Variants in CCDC38 observed in about 807,000 individuals in gnomAD.
CCDC38 encodes the protein coiled-coil domain containing 38, also known as coiled-coil domain-containing protein 38.
In CCDC38, 69 loss-of-function variants were observed where a neutral mutation model predicts 72.8. The ratio of observed to expected loss-of-function variants is 0.95; its 90% CI spans 0.78 to 1.16. The LOEUF is 1.16. CCDC38 is among the 50% of genes most tolerant of loss of function. The pLI is 0.00. For synonymous variants in CCDC38, 201 were observed against 213.2 expected, an observed-to-expected ratio of 0.94 and a Z score of 0.50; for missense variants, 626 against 638.9, an observed-to-expected ratio of 0.98 and a Z score of 0.22.
In CCDC38 at chr12:95,867,112, TTTTG is replaced by T; in HGVS notation, c.1652_1655del (p.Thr551LysfsTer14). On this transcript the variant is annotated frameshift_variant, in exon 16 of 16. Coordinates refer to ENST00000344280, the MANE Select transcript of CCDC38 (RefSeq NM_182496.3). LOFTEE classifies it high-confidence loss of function. ...AATATTCTTCCTCTTGTGATTTTGTTTTTGTTTCATTGACTAAAGGTAGCTGCTG... is the reference window on the plus strand; with the variant it reads ...AATATTCTTCCTCTTGTGATTTTGTTTTTCATTGACTAAAGGTAGCTGCTG... 6.2e-7 allele frequency: 1 copy of T among 1,606,608 alleles called. No individual in the cohort carries two copies. Among genetic ancestry groups the T allele is most frequent in the Non-Finnish European group, 8.5e-7 (1 of 1,175,246 alleles).
chr12:95,896,955 A>G (rs964127), intron 7 of CCDC38, among the ~76,000 whole-genome samples: 7 of 152,086 alleles, frequency 4.6e-5, no homozygotes, highest in Non-Finnish European at 8.8e-5. Context: ...TCTAGAAATA[A>G]TCTATAAATG....
rs201941109 is a variant in CCDC38, at chr12:95,895,034, C to T, written c.727G>A (p.Ala243Thr). 1.6e-4 allele frequency: 261 copies of T among 1,611,504 alleles called. 1 individual carries two copies. Among genetic ancestry groups the T allele is most frequent in the Admixed American group, 1.3e-3 (79 of 59,636 alleles). ...QIQQALKRAQ[A>T]SKSKANIILP... is the part of the protein sequence containing the mutation. ...ATGATATTTGCTTTACTTTTTGATG[C>T]CTGTGCTCTTTTTAGTGCTTGCTGG... is the stretch of plus-strand genomic sequence containing the variant. Residue 243 changes from alanine to threonine, a missense_variant, in exon 8 of 16, where the codon GCA becomes ACA. Coordinates refer to ENST00000344280, the MANE Select transcript of CCDC38 (RefSeq NM_182496.3).
rs754639407 is a variant in CCDC38, at chr12:95,898,439, AGTTT to A, written c.556_559del (p.Lys186SerfsTer3). The A allele has an allele frequency of 1.2e-5, 19 of 1,614,016 alleles. No homozygotes were observed. The highest frequency in any genetic ancestry group is 1.7e-5 in the Admixed American group (1 of 60,002). On this transcript the variant is annotated frameshift_variant, in exon 7 of 16. Transcript: ENST00000344280. LOFTEE classifies it high-confidence loss of function. ...TTTCTTCAGCTCTGCTGTCATTTGG[AGTTT>A]GTTTATTGTTTCCTGTGCTGCCCTG...
rs2080394163 is a variant in CCDC38 at position 95,936,397 on chromosome 12, TC to T, written c.37+75del. 5.2e-6 allele frequency: 7 copies of T among 1,349,862 alleles called. No homozygotes were observed. In the African/African-American group the frequency reaches 8.8e-5, roughly 17 times the overall value. 83.6% of individuals were successfully genotyped at this position (1,349,862 alleles called of 1,614,324 possible). Reference sequence around the variant, plus strand: ...TATTTATGGTGTAACATTCTCCTTTTCTTATGCTCACAATCTGTTATGGAGC... The same window carrying T: ...TATTTATGGTGTAACATTCTCCTTTTTTATGCTCACAATCTGTTATGGAGC... On this transcript the variant is annotated intron_variant, in intron 2 of 15. Coordinates refer to ENST00000344280, the MANE Select transcript of CCDC38 (RefSeq NM_182496.3).
intron 5 of CCDC38, among the ~76,000 whole-genome samples, chr12:95,900,144 T>G (rs969848807): frequency 2.0e-5 from 3 of 152,156 alleles, no homozygotes; most frequent in African/African-American, 4.8e-5. Flanking sequence ...GAGCCTCCAG[T>G]GCATCAGCCT....
At chr12:95,888,575 A>T in intron 9 of CCDC38, 69 bp from the exon 10 acceptor site, 1 of 1,436,114 alleles carries the variant, frequency 7.0e-7, no homozygotes, top group South Asian at 1.1e-5. Context: ...ACATGGAATT[A>T]GAAATGAGCC....
intron 5 of CCDC38, 112 bp downstream of exon 5, chr12:95,906,275 A>T (rs11611425): frequency 0.13 from 100,954 of 751,004 alleles, 7,897 homozygotes; most frequent in South Asian, 0.26. Context: ...CAACCTGTTC[A>T]ACCAATAGAT....
At chr12:95,911,718 G>C (rs938658496) in intron 4 of CCDC38, among the ~76,000 whole-genome samples, 1 of 152,174 alleles carries the variant, frequency 6.6e-6, no homozygotes, top group African/African-American at 2.4e-5. Flanking sequence ...AAAAATAACA[G>C]ATGACTAGGT....
intron 10 of CCDC38, among the ~76,000 whole-genome samples, chr12:95,886,058 A>AAAACAAAC (rs57668034): frequency 4.7e-4 from 71 of 151,570 alleles, no homozygotes; most frequent in African/African-American, 1.0e-3. Context: ...GCCTATACTA[A>AAAACAAAC]AAACAAACAA....
At chr12:95,878,124 C>G in intron 13 of CCDC38, 87 bp downstream of exon 13, 1 of 1,439,180 alleles carries the variant, frequency 6.9e-7, no homozygotes, top group Non-Finnish European at 9.5e-7. Flanking sequence ...TTTGCTTTAA[C>G]TCTCCTATTC....
intron 4 of CCDC38, among the ~76,000 whole-genome samples, chr12:95,913,431 TCGAGAACCACTA>T (rs1418397553): frequency 6.6e-6 from 1 of 152,184 alleles, no homozygotes; most frequent in Admixed American, 6.5e-5. Flanking sequence ...GGAAGAAGCT[TCGAGAACCACTA>T]CCTGTTTCTC....
rs1039891304 is a variant in CCDC38 at position 95,924,608 on chromosome 12, C to T, written c.38-5632G>A. 2.4e-4 allele frequency among the ~76,000 whole-genome samples: 36 copies of T among 150,908 alleles called. 1 individual carries two copies. Among genetic ancestry groups the T allele is most frequent in the East Asian group, 2.4e-3 (12 of 5,082 alleles). On this transcript the variant is annotated intron_variant, in intron 2 of 15. Coordinates refer to ENST00000344280, the MANE Select transcript of CCDC38 (RefSeq NM_182496.3). The stretch of plus-strand genomic sequence containing the variant: ...CTTTTGGTGTTTTAGACATGAAGTC[C>T]TTGCCCACGCCTATGTCCTGAATGG...
At chr12:95,908,000 G>A (rs896605582) in intron 4 of CCDC38, among the ~76,000 whole-genome samples, 2 of 152,048 alleles carry the variant, frequency 1.3e-5, no homozygotes, top group Non-Finnish European at 2.9e-5. Flanking sequence ...CAGACGATGG[G>A]CGGCCAGGCA....
rs1466101929 is a variant in CCDC38 at position 95,872,341 on chromosome 12, C to T, written c.1398G>A (p.Leu466=). The change falls in exon 14 of 16, where the codon CTG becomes CTA. Residue 466 remains leucine, a synonymous_variant. Transcript: ENST00000344280. Reference sequence around the variant, plus strand: ...ATTCGATGAGGTCACACAGTTCTACCAGGCGAGATTCTACTTTTACCAGCT... The same window carrying T: ...ATTCGATGAGGTCACACAGTTCTACTAGGCGAGATTCTACTTTTACCAGCT... ...IQKLVKVESR[L]VELCDLIESI... 6.2e-7 allele frequency: 1 copy of T among 1,614,136 alleles called. No homozygotes were observed. Among genetic ancestry groups the T allele is most frequent in the South Asian group, 1.1e-5 (1 of 91,080 alleles).
chr12:95,881,638 T>C (rs1266188722), intron 10 of CCDC38, 84 bp from the exon 11 acceptor site: 3 of 1,046,608 alleles, frequency 2.9e-6, no homozygotes, highest in African/African-American at 1.6e-5. Flanking sequence ...TAAATTGTCG[T>C]TGGAACCCAA....
intron 1 of CCDC38, among the ~76,000 whole-genome samples, chr12:95,940,891 CA>C (rs71091221): frequency 0.2 from 13,503 of 66,552 alleles, 1,147 homozygotes; most frequent in East Asian, 0.62. Context: ...AACAAACAAA[CA>C]AAAAAAAAAA....
At chr12:95,935,489 T>G in intron 2 of CCDC38, 1 of 273,754 alleles carries the variant, frequency 3.7e-6, no homozygotes, top group South Asian at 3.2e-5. Flanking sequence ...GGGCCCCTGA[T>G]GTGAACCTCC....
intron 2 of CCDC38, chr12:95,935,305 G>A (rs2080381257): frequency 6.5e-6 from 1 of 154,020 alleles, no homozygotes; most frequent in Admixed American, 6.5e-5. Flanking sequence ...CAGAGTAGAG[G>A]CTATGTTTCT....
chr12:95,920,294 C>A (rs1001695751), intron 2 of CCDC38, among the ~76,000 whole-genome samples: 21 of 152,158 alleles, frequency 1.4e-4, no homozygotes, highest in African/African-American at 5.1e-4. Flanking sequence ...CACTCTCTTG[C>A]CTGCCACCAT....
Sources: allele counts gnomAD v4.1 joint callset (sites outside exome capture counted in the v4.1 genomes callset), GRCh38; gene constraint gnomAD v4.1.1; transcripts MANE v1.5; gene names NCBI Gene and HGNC (gene_info 2026-07-23, HGNC 2026-07-21).